Variants in FBN2 observed in about 807,000 individuals in gnomAD.
FBN2 encodes fibrillin-2.
Under a neutral mutation model 355.6 loss-of-function variants are expected in FBN2, and 105 were observed. The observed-to-expected ratio is 0.30, with a 90% CI of 0.25 to 0.35. The LOEUF (loss-of-function observed/expected upper bound fraction) is 0.35, where lower values mean the gene tolerates loss of function less well. Among genes scored for constraint, FBN2 ranks in the 10% least tolerant of loss-of-function variants. The pLI is 1.00. For missense variants in FBN2, 3,280 were observed against 3,758.7 expected, an observed-to-expected ratio of 0.87 and a Z score of 3.33; for synonymous variants, 1,350 against 1,301.2, an observed-to-expected ratio of 1.04 and a Z score of -0.81.
intron 62 of FBN2, among the ~76,000 whole-genome samples, chr5:128,267,264 T>C (rs1185724095): frequency 3.9e-5 from 6 of 152,310 alleles, no homozygotes; most frequent in East Asian, 1.9e-4. Flanking sequence ...CTATTGTAAA[T>C]AGTGCTGCAG....
intron 8 of FBN2, among the ~76,000 whole-genome samples, chr5:128,398,562 G>C (rs911177341): frequency 3.3e-5 from 5 of 152,044 alleles, no homozygotes; most frequent in Admixed American, 1.3e-4. Context: ...CATGGATAAA[G>C]AAAATTACTG....
chr5:128,518,192 C>T (rs1463300043), intron 5 of FBN2, among the ~76,000 whole-genome samples: 6 of 152,084 alleles, frequency 3.9e-5, no homozygotes, highest in Admixed American at 1.3e-4. Flanking sequence ...TGCCCTGCAC[C>T]GCAACTCAGC....
At chr5:128,479,735 T>C (rs1755102541) in intron 5 of FBN2, among the ~76,000 whole-genome samples, 2 of 151,874 alleles carry the variant, frequency 1.3e-5, no homozygotes, top group Admixed American at 1.3e-4. Context: ...AAAGTCAACC[T>C]GGGCAACACG....
intron 62 of FBN2, among the ~76,000 whole-genome samples, chr5:128,269,283 G>GTAATAATAA (rs3989391): frequency 0.02 from 2,865 of 145,114 alleles, 77 homozygotes; most frequent in African/African-American, 0.057. Flanking sequence ...AATAATAATA[G>GTAATAATAA]TAATAATAAT....
At chr5:128,327,780 A>G (rs1297914758) in intron 34 of FBN2, among the ~76,000 whole-genome samples, 1 of 152,116 alleles carries the variant, frequency 6.6e-6, no homozygotes, top group Non-Finnish European at 1.5e-5. Flanking sequence ...CTGGGATTAC[A>G]GGCATGAGCC....
At position 128,339,326 on chromosome 5, in the gene FBN2, G is replaced by A. The variant is rs185171105; in HGVS notation, c.3344-265C>T. 8.9e-5 allele frequency: 36 copies of A among 405,626 alleles called. No homozygotes were observed. In the East Asian group the frequency reaches 1.8e-3, roughly 20 times the overall value. The allele number at this position is 405,626 out of a possible 1,614,324, so 25.1% of individuals were successfully genotyped here. On this transcript the variant is annotated intron_variant, in intron 25 of 64. Coordinates refer to ENST00000262464, the MANE Select transcript of FBN2 (RefSeq NM_001999.4). ...TATTTGTTTTTGTGGCTTAGAAATCGTAACAGAAAAGGGGGGCATGGTGAC... is the reference window on the plus strand; with the variant it reads ...TATTTGTTTTTGTGGCTTAGAAATCATAACAGAAAAGGGGGGCATGGTGAC...
chr5:128,278,027 A>G lies in FBN2; in HGVS notation c.7346-22T>C, dbSNP rs781735118. ...ATATCTGTGGACCAAAACAACAAAA[A>G]CAATCAGGAGTTAACATATATGCAA... is the stretch of plus-strand genomic sequence containing the variant. On this transcript the variant is annotated intron_variant, in intron 57 of 64. Coordinates refer to ENST00000262464, the MANE Select transcript of FBN2 (RefSeq NM_001999.4). The G allele has an allele frequency of 3.7e-6, 6 of 1,613,570 alleles. No individual in the cohort carries two copies. The South Asian group carries it at 5.5e-5, about 15-fold the overall frequency.
In FBN2 at chr5:128,291,529, C is replaced by A. The variant is rs763723115; in HGVS notation, c.6292G>T (p.Asp2098Tyr). The part of the protein sequence containing the change: ...VLSDNGRRCF[D>Y]TRQSFCFTNF... ...ACAGTGAAGTCATGCCAAATCTTAC[C>A]AAAGCATCTCCGTCCATTATCAGAT... is the stretch of plus-strand genomic sequence containing the variant. Residue 2098 changes from aspartate (D) to tyrosine (Y), a missense_variant and splice_region_variant, in exon 49 of 65, where the codon GAT becomes TAT. Asp to Tyr is a radical substitution (Grantham distance 160, BLOSUM62 -3). Around this residue, in one of 6 missense-constraint regions of FBN2, gnomAD observed 2,284 missense variants for 2,749.5 expected, o/e 0.83. Coordinates refer to ENST00000262464, the MANE Select transcript of FBN2 (RefSeq NM_001999.4). 2 of 1,613,798 alleles carry A rather than the reference C, an allele frequency of 1.2e-6. No individual in the cohort carries two copies. The highest frequency in any genetic ancestry group is 8.5e-7 in the Non-Finnish European group (1 of 1,179,844).
At chr5:128,466,965 G>T (rs767073842) in intron 5 of FBN2, among the ~76,000 whole-genome samples, 1 of 151,962 alleles carries the variant, frequency 6.6e-6, no homozygotes. Context: ...TGAATACGTG[G>T]GGAAAAGTCT....
chr5:128,451,410 G>A (rs1415418357), intron 6 of FBN2, among the ~76,000 whole-genome samples: 2 of 152,034 alleles, frequency 1.3e-5, no homozygotes, highest in East Asian at 3.9e-4. Flanking sequence ...ATTATTTTTT[G>A]AGAAATTATT....
At chr5:128,526,843 C>T (rs1756574150) in intron 4 of FBN2, among the ~76,000 whole-genome samples, 1 of 151,988 alleles carries the variant, frequency 6.6e-6, no homozygotes, top group African/African-American at 2.4e-5. Context: ...GGACTTAATG[C>T]CACTGAACTA....
chr5:128,376,596 G>T (rs1752083286), intron 14 of FBN2, 135 bp downstream of exon 14: 2 of 1,030,788 alleles, frequency 1.9e-6, no homozygotes, highest in Non-Finnish European at 3.0e-6. Context: ...TTAGACACCT[G>T]CCTTAGTGAA....
rs77710181 is a variant in FBN2, at chr5:128,337,329, T to C, written c.3598+668A>G. Among the ~76,000 whole-genome samples the C allele has an allele frequency of 5.5e-3, 831 of 152,336 alleles. 3 individuals are homozygous for C. The highest frequency in any genetic ancestry group is 7.9e-3 in the Non-Finnish European group (540 of 68,022). ...GAAATTTGGTGTGCAATCTGTTCTATTTTAGGCTGTCTTATTTGCTTACGG... is the reference window on the plus strand; with the variant it reads ...GAAATTTGGTGTGCAATCTGTTCTACTTTAGGCTGTCTTATTTGCTTACGG... On this transcript the variant is annotated intron_variant, in intron 27 of 64. Transcript: ENST00000262464.
intron 15 of FBN2, 24 bp from the exon 16 acceptor site, chr5:128,369,358 A>C: frequency 1.9e-6 from 3 of 1,613,312 alleles, no homozygotes; most frequent in Non-Finnish European, 2.5e-6. Flanking sequence ...AAAAACAATG[A>C]CTTGAGGCAG....
Position 128,338,957 on chromosome 5 carries a change from A to T in FBN2, c.3448T>A (p.Phe1150Ile). Residue 1150 changes from phenylalanine (F) to isoleucine (I), a missense_variant, in exon 26 of 65, where the codon TTC (phenylalanine) becomes ATC (isoleucine). Physicochemically the swap from Phe to Ile is conservative, Grantham distance 21. This residue lies in a region of FBN2 where 2,284 missense variants were observed against 2,749.5 expected (regional missense o/e 0.83). Coordinates refer to ENST00000262464, the MANE Select transcript of FBN2 (RefSeq NM_001999.4). ...CECFEGYESG[F>I]MMMKNCMDID... ...CCCATGCAGTTCTTCATCATCATGA[A>T]GCCACTTTCATAGCCTTCGAAGCAC... 1 of 1,614,130 alleles carries T rather than the reference A, an allele frequency of 6.2e-7. No individual in the cohort carries two copies. The highest frequency in any genetic ancestry group is 1.6e-4 in the Middle Eastern group (1 of 6,062).
At chr5:128,378,017 T>TG (rs1470516111) in intron 12 of FBN2, 140 bp from the exon 13 acceptor site, 7 of 893,906 alleles carry the variant, frequency 7.8e-6, no homozygotes, top group Non-Finnish European at 8.5e-6. Flanking sequence ...AGTTTTTTTT[T>TG]TTTTTTTTGG....
intron 9 of FBN2, 43 bp from the exon 10 acceptor site, chr5:128,393,411 T>G: frequency 6.4e-7 from 1 of 1,550,754 alleles, no homozygotes; most frequent in African/African-American, 1.4e-5. Context: ...GTGAATGTCT[T>G]TCTGCATAAC....
rs561071502 is a variant in FBN2, at chr5:128,481,913, G to A, written c.629-16992C>T. 2.0e-5 allele frequency among the ~76,000 whole-genome samples: 3 copies of A among 152,184 alleles called. No homozygotes were observed. The East Asian group carries it at 5.8e-4, about 29-fold the overall frequency. ...ATTCTTAGGTAATTACAGAATGCAC[G>A]CCTTCATATAGAGACAGAAAATAGC... On this transcript the variant is annotated intron_variant, in intron 5 of 64. Coordinates refer to ENST00000262464, the MANE Select transcript of FBN2 (RefSeq NM_001999.4).
intron 33 of FBN2, among the ~76,000 whole-genome samples, chr5:128,329,454 T>C (rs955359519): frequency 6.6e-6 from 1 of 152,164 alleles, no homozygotes; most frequent in Admixed American, 6.5e-5. Context: ...GCTGGTGGCC[T>C]GACATGCATT....
Sources: allele counts gnomAD v4.1 joint callset (sites outside exome capture counted in the v4.1 genomes callset), GRCh38; gene constraint gnomAD v4.1.1; regional missense constraint gnomAD v4.1.1; transcripts MANE v1.5; gene names NCBI Gene and HGNC (gene_info 2026-07-23, HGNC 2026-07-21).